CFAP57: variants seen among roughly 807,000 people sequenced by gnomAD.
The protein encoded by CFAP57 is cilia and flagella associated protein 57.
A neutral mutation model predicts 146.8 loss-of-function variants in CFAP57; 116 were observed. That is an observed-to-expected ratio of 0.79 (90% CI 0.68 to 0.92). The LOEUF is 0.92. Ranked by LOEUF, CFAP57 falls within the 40% of genes least tolerant of loss-of-function variation. The pLI is 0.00. For missense variants in CFAP57, 1,377 were observed against 1,527.2 expected (o/e 0.90, Z 1.64); for synonymous variants, 518 against 552.8 (o/e 0.94, Z 0.88).
rs560345099 is a variant in CFAP57 at position 43,238,810 on chromosome 1, C to T, written c.3405+4172C>T. On this transcript the variant is annotated intron_variant, in intron 21 of 22. Transcript: ENST00000372492. The surrounding 1 kb of genome is among the most constrained non-coding windows in gnomAD (Gnocchi z 4.3). ...CTGGAAAGCAGTAGTCACGGAGGAG[C>T]AGGGCTCTCTGGATGGAGGCACGAC... Among the ~76,000 whole-genome samples the T allele has an allele frequency of 4.6e-5, 7 of 152,170 alleles. No individual in the cohort carries two copies. Among genetic ancestry groups the T allele is most frequent in the African/African-American group, 1.7e-4 (7 of 41,500 alleles).
At position 43,208,307 on chromosome 1, in the gene CFAP57, C is replaced by T. The variant is rs532778653; in HGVS notation, c.1755+1375C>T. Among the ~76,000 whole-genome samples the T allele has an allele frequency of 5.9e-4, 90 of 152,248 alleles. 1 individual carries two copies. Among genetic ancestry groups the T allele is most frequent in the African/African-American group, 2.1e-3 (89 of 41,526 alleles). On this transcript the variant is annotated intron_variant, in intron 10 of 22. Transcript: ENST00000372492. ...CAGCCATCCCATTACTGAGTATATA[C>T]CCAAAGGATTATAAATTATGCTGCT...
chr1:43,226,740 T>A (rs1443867835), intron 17 of CFAP57, among the ~76,000 whole-genome samples: 1 of 152,210 alleles, frequency 6.6e-6, no homozygotes, highest in African/African-American at 2.4e-5. Flanking sequence ...AAAATACCGC[T>A]GTTCACAACC....
intron 8 of CFAP57, among the ~76,000 whole-genome samples, chr1:43,198,873 T>C (rs1643984703): frequency 6.6e-6 from 1 of 152,200 alleles, no homozygotes; most frequent in African/African-American, 2.4e-5. Context: ...TCATTGAACC[T>C]AAAACCTTGT....
At chr1:43,186,610 CAAAAA>C (rs36219136) in intron 5 of CFAP57, 92 bp from the exon 6 acceptor site, 1,995 of 746,038 alleles carry the variant, frequency 2.7e-3, no homozygotes, top group East Asian at 4.1e-3. Flanking sequence ...GACTCCGTCT[CAAAAA>C]AAAAAAAAAA....
intron 9 of CFAP57, among the ~76,000 whole-genome samples, chr1:43,202,737 T>C (rs1477565800): frequency 2.0e-5 from 3 of 148,208 alleles, no homozygotes; most frequent in African/African-American, 5.0e-5. Flanking sequence ...GAGCCGAGAT[T>C]ATGCCACTGC....
rs751900133 is a variant in CFAP57 at position 43,181,559 on chromosome 1, G to A, written c.183G>A (p.Leu61=). Residue 61 remains leucine (L), a synonymous_variant, in exon 3 of 23, where the codon TTG becomes TTA. Coordinates refer to ENST00000372492, the MANE Select transcript of CFAP57 (RefSeq NM_001378189.1). The part of the protein sequence containing the change: ...IPGSEKSQGM[L]ALSISPNRRY... ...GCTCAGAGAAGAGTCAGGGCATGTTGGCCTTGTCCATCAGTCCCAATCGGC... is the reference window on the plus strand; with the variant it reads ...GCTCAGAGAAGAGTCAGGGCATGTTAGCCTTGTCCATCAGTCCCAATCGGC... 38 of 1,614,058 alleles carry A rather than the reference G, an allele frequency of 2.4e-5. No individual in the cohort carries two copies. In the East Asian group the frequency reaches 7.1e-4, roughly 30 times the overall value.
At chr1:43,209,575 C>T (rs192506781) in intron 10 of CFAP57, among the ~76,000 whole-genome samples, 168 bp from the exon 11 acceptor site, 1 of 152,122 alleles carries the variant, frequency 6.6e-6, no homozygotes, top group East Asian at 1.9e-4. Context: ...TAGTTTGCGC[C>T]TTTTTTTGTG....
At chr1:43,213,066 C>T (rs1644688746) in intron 11 of CFAP57, among the ~76,000 whole-genome samples, 1 of 152,092 alleles carries the variant, frequency 6.6e-6, no homozygotes, top group African/African-American at 2.4e-5. Flanking sequence ...TATCATGCCA[C>T]TCTCTACTTC....
intron 6 of CFAP57, among the ~76,000 whole-genome samples, chr1:43,192,303 A>C (rs1168607860): frequency 6.6e-6 from 1 of 152,090 alleles, no homozygotes; most frequent in Non-Finnish European, 1.5e-5. Context: ...TCTTCTGCCT[A>C]CTTGTCTTGA....
intron 21 of CFAP57, among the ~76,000 whole-genome samples, chr1:43,235,472 G>A (rs1228885424): frequency 1.3e-5 from 2 of 152,154 alleles, no homozygotes. Flanking sequence ...ATACTGGAAT[G>A]GGAACAGGTT....
At chr1:43,175,173 G>A (rs1052434432) in intron 2 of CFAP57, among the ~76,000 whole-genome samples, 1 of 152,020 alleles carries the variant, frequency 6.6e-6, no homozygotes, top group African/African-American at 2.4e-5. Flanking sequence ...TCTTTCTGTA[G>A]ATGATCTTTT....
intron 16 of CFAP57, among the ~76,000 whole-genome samples, chr1:43,223,355 T>A (rs1645123828): frequency 6.6e-6 from 1 of 152,076 alleles, no homozygotes; most frequent in Admixed American, 6.5e-5. Context: ...CTTCTGGGGA[T>A]GAGATAGATG....
chr1:43,249,665 G>A (rs1417914244), intron 22 of CFAP57, among the ~76,000 whole-genome samples: 2 of 137,092 alleles, frequency 1.5e-5, no homozygotes, highest in Non-Finnish European at 3.1e-5. Flanking sequence ...GACTGGTCTC[G>A]AACTCCTGAG....
intron 6 of CFAP57, chr1:43,196,626 C>G (rs1322422742): frequency 3.3e-5 from 5 of 152,236 alleles, no homozygotes; most frequent in Admixed American, 1.3e-4. Context: ...ATATGTACAT[C>G]TCATTAAATT....
Position 43,238,093 on chromosome 1 carries a change from C to T in CFAP57, c.3405+3455C>T, listed in dbSNP as rs1024540159. Among the ~76,000 whole-genome samples, 9 of 152,158 alleles carry T rather than the reference C, an allele frequency of 5.9e-5. No individual in the cohort carries two copies. Among genetic ancestry groups the T allele is most frequent in the South Asian group, 2.1e-4 (1 of 4,824 alleles). On this transcript the variant is annotated intron_variant, in intron 21 of 22. Transcript: ENST00000372492. The surrounding 1 kb of genome is among the most constrained non-coding windows in gnomAD (Gnocchi z 4.3). ...AGACATGGGAGGAAGGTTGAAAGAA[C>T]GGAGAAGGATTCCAGGATGGCTCAT...
rs144857858 is a variant in CFAP57, at chr1:43,234,979, G to T, written c.3405+341G>T. ...GTCCCCTGCCTCACTCCTCTCATCA[G>T]CCCCTTGGCCCTCTAGACCTTCATC... On this transcript the variant is annotated intron_variant, in intron 21 of 22. Transcript: ENST00000372492. Among the ~76,000 whole-genome samples, 19 of 152,066 alleles carry T rather than the reference G, an allele frequency of 1.2e-4. No homozygotes were observed. In the East Asian group the frequency reaches 2.7e-3, roughly 22 times the overall value.
Position 43,219,719 on chromosome 1 carries a change from G to A in CFAP57, c.2247+182G>A, listed in dbSNP as rs1327503555. 11 of 712,228 alleles carry A rather than the reference G, an allele frequency of 1.5e-5. No individual in the cohort carries two copies. The East Asian group carries it at 4.1e-4, about 27-fold the overall frequency. The allele number at this position is 712,228 out of a possible 1,614,324, so 44.1% of individuals were successfully genotyped here. On this transcript the variant is annotated intron_variant, in intron 13 of 22. Coordinates refer to ENST00000372492, the MANE Select transcript of CFAP57 (RefSeq NM_001378189.1). ...TGGCCAGGCACAGTGGCTCATGCCT[G>A]TAATCCCAGCACTTTGGGAGGCCAA... is the stretch of plus-strand genomic sequence containing the variant.
chr1:43,190,399 T>A (rs544364215), intron 6 of CFAP57, among the ~76,000 whole-genome samples: 42 of 151,512 alleles, frequency 2.8e-4, no homozygotes, highest in Admixed American at 5.9e-4. Context: ...GACTCCCGAG[T>A]AGCTGGAGCT....
chr1:43,209,525 A>G (rs753098365), intron 10 of CFAP57, among the ~76,000 whole-genome samples: 6 of 152,228 alleles, frequency 3.9e-5, no homozygotes, highest in Non-Finnish European at 5.9e-5. Flanking sequence ...TTCCTAACTC[A>G]TGAACCTGGT....
Sources: gnomAD v4.1 joint callset for allele counts (sites outside exome capture counted in the v4.1 genomes callset) on GRCh38, gnomAD v4.1.1 for gene constraint, Gnocchi (gnomAD v3.1) non-coding constraint, MANE v1.5 for transcripts, NCBI Gene and HGNC (gene_info 2026-07-23, HGNC 2026-07-21) for gene names.